Variants in SLC14A2 observed in about 807,000 individuals in gnomAD.
SLC14A2 encodes the protein urea transporter 2.
SLC14A2 carries 91 observed loss-of-function variants against 104.6 expected under a neutral mutation model. The observed-to-expected ratio is 0.87, with a 90% CI of 0.73 to 1.04. The LOEUF is 1.04. Ranked by LOEUF, SLC14A2 falls within the 50% of genes least tolerant of loss-of-function variation. The pLI is 0.00. For missense variants in SLC14A2, 1,189 were observed against 1,156.0 expected, an observed-to-expected ratio of 1.03 and a Z score of -0.41; for synonymous variants, 476 against 466.4, an observed-to-expected ratio of 1.02 and a Z score of -0.27.
intron 2 of SLC14A2, among the ~76,000 whole-genome samples, chr18:45,505,438 G>A (rs777177078): frequency 1.3e-5 from 2 of 152,140 alleles, no homozygotes; most frequent in Admixed American, 6.5e-5. Flanking sequence ...GAGTGGGTGA[G>A]GAGCCCACAG....
Position 45,530,190 on chromosome 18 carries a change from C to T in SLC14A2, c.-35+46868C>T, listed in dbSNP as rs558258192. ...TGTGTGCTAAGCATTGTGCTAGGTA[C>T]TTGGGACGTTGAATACAAATCAAGG... On this transcript the variant is annotated intron_variant, in intron 2 of 20. Transcript: ENST00000586448. 2.8e-4 allele frequency among the ~76,000 whole-genome samples: 42 copies of T among 152,276 alleles called. No homozygotes were observed. The South Asian group carries it at 6.4e-3, about 23-fold the overall frequency.
At chr18:45,418,994 G>A (rs2086308898) in intron 1 of SLC14A2, among the ~76,000 whole-genome samples, 1 of 152,178 alleles carries the variant, frequency 6.6e-6, no homozygotes, top group Non-Finnish European at 1.5e-5. Context: ...TATTTGGGCT[G>A]TTCAGGCTGA....
chr18:45,463,941 C>CCTGCCCA (rs1568219931), intron 1 of SLC14A2, among the ~76,000 whole-genome samples: 1 of 152,152 alleles, frequency 6.6e-6, no homozygotes, highest in Admixed American at 6.5e-5. Context: ...GAGGATTAGC[C>CCTGCCCA]CTGCCCACCC....
intron 12 of SLC14A2, 88 bp from the exon 13 acceptor site, chr18:45,666,847 A>T: frequency 9.3e-7 from 1 of 1,071,284 alleles, no homozygotes; most frequent in African/African-American, 1.6e-5. Context: ...TGACAATCTT[A>T]TTTGGTCCCT....
chr18:45,385,712 T>C (rs1439859949), intron 1 of SLC14A2, among the ~76,000 whole-genome samples: 2 of 152,206 alleles, frequency 1.3e-5, no homozygotes, highest in South Asian at 4.1e-4. Context: ...AAAATTATTA[T>C]TGTATTATTT....
chr18:45,557,213 T>C (rs948556207), intron 2 of SLC14A2, among the ~76,000 whole-genome samples: 3 of 152,232 alleles, frequency 2.0e-5, no homozygotes, highest in Non-Finnish European at 4.4e-5. Context: ...GACATTTGAC[T>C]GCTGCAGCTT....
At chr18:45,308,838 T>C (rs1202381359) in intron 1 of SLC14A2, among the ~76,000 whole-genome samples, 1 of 152,230 alleles carries the variant, frequency 6.6e-6, no homozygotes. Context: ...AATGTCACCA[T>C]GACCATCTGG....
the SLC14A2 span, among the ~76,000 whole-genome samples, chr18:45,191,894 C>T: frequency 1.3e-5 from 2 of 152,150 alleles, no homozygotes; most frequent in Non-Finnish European, 2.9e-5. Context: ...TTATTCTGGA[C>T]AAGGGGTGTC....
At chr18:45,205,117 G>A in the SLC14A2 span, among the ~76,000 whole-genome samples, 4 of 152,164 alleles carry the variant, frequency 2.6e-5, no homozygotes, top group Admixed American at 6.5e-5. Flanking sequence ...ACCTCTCTGT[G>A]TTGAGACTCT....
intron 1 of SLC14A2, among the ~76,000 whole-genome samples, chr18:45,230,834 GGTT>G (rs1316765254): frequency 6.6e-6 from 1 of 152,158 alleles, no homozygotes; most frequent in East Asian, 1.9e-4. Context: ...CCAAAGAGCT[GGTT>G]GTTGTCTTCT....
At chr18:45,387,179 A>G (rs2085906573) in intron 1 of SLC14A2, among the ~76,000 whole-genome samples, 1 of 152,168 alleles carries the variant, frequency 6.6e-6, no homozygotes, top group South Asian at 2.1e-4. Flanking sequence ...GTATGTTACA[A>G]CCATGTATGG....
chr18:45,624,403 G>C (rs1201240002), intron 1 of SLC14A2, among the ~76,000 whole-genome samples: 1 of 152,200 alleles, frequency 6.6e-6, no homozygotes, highest in Non-Finnish European at 1.5e-5. Context: ...TCAGTGGTCA[G>C]GGATATCTTC....
chr18:45,666,516 C>T (rs1392478410), intron 12 of SLC14A2, among the ~76,000 whole-genome samples: 1 of 151,620 alleles, frequency 6.6e-6, no homozygotes, highest in Non-Finnish European at 1.5e-5. Flanking sequence ...TGTTCAATTT[C>T]ATACCCTTAT....
intron 2 of SLC14A2, among the ~76,000 whole-genome samples, chr18:45,594,523 G>C (rs1461139997): frequency 2.0e-5 from 3 of 152,000 alleles, no homozygotes; most frequent in Non-Finnish European, 4.4e-5. Context: ...CTCTCTCTCT[G>C]ATCCCCTCCT....
intron 2 of SLC14A2, among the ~76,000 whole-genome samples, chr18:45,572,861 C>G (rs2044367372): frequency 6.6e-6 from 1 of 152,126 alleles, no homozygotes; most frequent in Admixed American, 6.5e-5. Context: ...CCTGGGCTCC[C>G]TTTATTCTGA....
rs189164416 is a variant in SLC14A2 at position 45,525,086 on chromosome 18, T to C, written c.-35+41764T>C. On this transcript the variant is annotated intron_variant, in intron 2 of 20. Transcript: ENST00000586448. ...ATGCCTTCCAGATAAAAAGGATACC[T>C]CTTGGGGGTAATTCCCAAGATGTTT... Among the ~76,000 whole-genome samples, 29 of 152,038 alleles carry C rather than the reference T, an allele frequency of 1.9e-4. No homozygotes were observed. In the East Asian group the frequency reaches 5.0e-3, roughly 26 times the overall value.
intron 2 of SLC14A2, among the ~76,000 whole-genome samples, chr18:45,566,510 C>T (rs895245995): frequency 1.5e-4 from 9 of 58,324 alleles, no homozygotes; most frequent in Non-Finnish European, 2.5e-4. Flanking sequence ...CATGCGCTCA[C>T]GCTCGCACAC....
chr18:45,330,811 T>C (rs370186345), intron 1 of SLC14A2, among the ~76,000 whole-genome samples: 1 of 152,228 alleles, frequency 6.6e-6, no homozygotes, highest in East Asian at 1.9e-4. Flanking sequence ...AAGTCTTTCA[T>C]TGACACTCAC....
rs542007600 is a variant in SLC14A2, at chr18:45,328,828, A to G, written c.-125+115637A>G. Among the ~76,000 whole-genome samples the G allele has an allele frequency of 9.2e-4, 140 of 152,360 alleles. 1 individual carries two copies. The highest frequency in any genetic ancestry group is 3.3e-3 in the African/African-American group (137 of 41,590). On this transcript the variant is annotated intron_variant, in intron 1 of 20. Transcript: ENST00000586448. ...CAAATCTTGTTATTTTTCTTATAAT[A>G]CGTTCCAAACCCAAACAAACTCAAA...
Sources: gnomAD v4.1 joint callset for allele counts (sites outside exome capture counted in the v4.1 genomes callset) on GRCh38, gnomAD v4.1.1 for gene constraint, MANE v1.5 for transcripts, NCBI Gene and HGNC (gene_info 2026-07-23, HGNC 2026-07-21) for gene names.